Variants in FRMPD3 observed in about 807,000 individuals in gnomAD.
FRMPD3 encodes FERM and PDZ domain containing 3.
A neutral mutation model predicts 97.9 loss-of-function variants in FRMPD3; 42 were observed. The observed-to-expected ratio is 0.43, with a 90% CI of 0.34 to 0.55. The LOEUF is 0.55. Ranked by LOEUF, FRMPD3 falls within the 20% of genes least tolerant of loss-of-function variation. The pLI is 0.03. For synonymous variants in FRMPD3, 577 were observed against 581.1 expected (o/e 0.99, Z 0.10); for missense variants, 1,303 against 1,457.7 (o/e 0.89, Z 1.73).
Position 107,602,890 on chromosome X carries a change from C to T in FRMPD3, c.4851C>T (p.Pro1617=), listed in dbSNP as rs2147659844. 8.3e-7 allele frequency: 1 copy of T among 1,211,228 alleles called. No homozygotes were observed. Among genetic ancestry groups the T allele is most frequent in the Non-Finnish European group, 1.1e-6 (1 of 895,436 alleles). The change falls in exon 15 of 15, where the codon CCC becomes CCT. Residue 1617 remains proline (P), a synonymous_variant. Transcript: ENST00000683843. ...TGGCCAGCCCCGAGGCCCGTGCCCC[C>T]AAGCCCTATGTGTCTCAGATCTCCG... ...QCVASPEARA[P]KPYVSQISEY...
chrX:107,518,800 T>G (rs1288224690), intron 1 of FRMPD3, among the ~76,000 whole-genome samples: 2 of 112,387 alleles, frequency 1.8e-5, no homozygotes, highest in African/African-American at 6.5e-5. Flanking sequence ...ATAGCTACAT[T>G]GTTCACAACA....
At chrX:107,563,900 C>T (rs1922489549) in intron 11 of FRMPD3, among the ~76,000 whole-genome samples, 1 of 112,180 alleles carries the variant, frequency 8.9e-6, no homozygotes, top group African/African-American at 3.2e-5. Flanking sequence ...GCTGGTCCCA[C>T]CCTAAGACTG....
rs760120851 is a variant in FRMPD3 at position 107,545,845 on chromosome X, A to C, written c.402+4A>C. The C allele has an allele frequency of 1.2e-5, 14 of 1,185,605 alleles. No individual in the cohort carries two copies. The highest frequency in any genetic ancestry group is 1.6e-5 in the Non-Finnish European group (14 of 874,347). ...GGCAGTTGGAGAAACAGATGCAGTA[A>C]GTGTAGCTTTGGCTCCCTCTCCTCA... On this transcript the variant is annotated splice_donor_region_variant and intron_variant, in intron 5 of 14. Coordinates refer to ENST00000683843, the MANE Select transcript of FRMPD3 (RefSeq NM_001388459.1).
At chrX:107,491,939 T>G (rs1051866233) in intron 1 of FRMPD3, among the ~76,000 whole-genome samples, 13 of 109,791 alleles carry the variant, frequency 1.2e-4, no homozygotes, top group African/African-American at 4.0e-4. Flanking sequence ...AGAGTAATTG[T>G]TCTCTCCTCA....
intron 5 of FRMPD3, among the ~76,000 whole-genome samples, chrX:107,549,762 T>C (rs1431726097): frequency 1.8e-5 from 2 of 111,635 alleles, no homozygotes; most frequent in Admixed American, 9.5e-5. Flanking sequence ...AGCGGGTGTG[T>C]GGTGATCCCT....
intron 8 of FRMPD3, among the ~76,000 whole-genome samples, chrX:107,555,712 C>A (rs372197975): frequency 9.0e-6 from 1 of 111,567 alleles, no homozygotes; most frequent in East Asian, 2.8e-4. Flanking sequence ...TTTTTAAATT[C>A]CTCAAGTGAT....
chrX:107,549,437 C>T (rs1204020846), intron 5 of FRMPD3, among the ~76,000 whole-genome samples: 1 of 111,699 alleles, frequency 9.0e-6, no homozygotes, highest in Non-Finnish European at 1.9e-5. Flanking sequence ...AAGTGTTGTG[C>T]AGGGAGGGGG....
intron 7 of FRMPD3, among the ~76,000 whole-genome samples, chrX:107,553,525 G>A (rs1468191090): frequency 9.0e-6 from 1 of 110,877 alleles, no homozygotes; most frequent in African/African-American, 3.3e-5. Context: ...GCACCAAGAA[G>A]TGTCAGAGAT....
chrX:107,526,921 C>T (rs1163716196), intron 2 of FRMPD3, among the ~76,000 whole-genome samples, 185 bp downstream of exon 2: 1 of 111,650 alleles, frequency 9.0e-6, no homozygotes, highest in Non-Finnish European at 1.9e-5. Flanking sequence ...ATAGACACAA[C>T]AATTGAGGCT....
intron 1 of FRMPD3, among the ~76,000 whole-genome samples, chrX:107,521,570 A>C (rs1265551947): frequency 8.9e-6 from 1 of 112,811 alleles, no homozygotes; most frequent in East Asian, 2.8e-4. Context: ...CTCCTTACAA[A>C]AGGGCACACA....
intron 13 of FRMPD3, among the ~76,000 whole-genome samples, chrX:107,592,780 A>G (rs1268066026): frequency 1.9e-5 from 2 of 105,139 alleles, no homozygotes; most frequent in African/African-American, 7.4e-5. Context: ...TTTATTTTTA[A>G]ATTATGACCA....
chrX:107,483,138 A>G (rs1921417999), intron 1 of FRMPD3, among the ~76,000 whole-genome samples: 1 of 111,799 alleles, frequency 8.9e-6, no homozygotes, highest in Non-Finnish European at 1.9e-5. Context: ...GCTACCATAT[A>G]TAGTTGTGCA....
intron 1 of FRMPD3, among the ~76,000 whole-genome samples, chrX:107,457,733 C>G (rs1337337301): frequency 8.9e-6 from 1 of 111,909 alleles, no homozygotes; most frequent in Admixed American, 9.5e-5. Context: ...TATTTCGACA[C>G]CTCAGTAGGA....
chrX:107,583,182 C>T (rs1923477340), intron 13 of FRMPD3, among the ~76,000 whole-genome samples: 1 of 108,752 alleles, frequency 9.2e-6, no homozygotes, highest in Non-Finnish European at 1.9e-5. Flanking sequence ...CATGGGTATA[C>T]ATGTGCCATG....
intron 13 of FRMPD3, among the ~76,000 whole-genome samples, chrX:107,580,964 C>T (rs955877487): frequency 3.6e-5 from 4 of 111,623 alleles, no homozygotes; most frequent in African/African-American, 9.8e-5. Flanking sequence ...GGGATCATAA[C>T]TAAATGCCAG....
At chrX:107,498,514 C>G (rs752746959) in intron 1 of FRMPD3, among the ~76,000 whole-genome samples, 1 of 112,066 alleles carries the variant, frequency 8.9e-6, no homozygotes, top group South Asian at 3.8e-4. Context: ...ACTGAAGGAG[C>G]ACTGGAACCT....
At chrX:107,453,371 G>T (rs742639) in intron 1 of FRMPD3, among the ~76,000 whole-genome samples, 6,947 of 108,471 alleles carry the variant, frequency 0.064, 620 homozygotes, top group African/African-American at 0.22. Flanking sequence ...ATTGCTAGGG[G>T]GACTAGAATT....
At chrX:107,553,442 T>C (rs1411096327) in intron 7 of FRMPD3, among the ~76,000 whole-genome samples, 1 of 108,743 alleles carries the variant, frequency 9.2e-6, no homozygotes, top group African/African-American at 3.4e-5. Flanking sequence ...GTATCCGGTC[T>C]TCCTAGCCCT....
At chrX:107,493,269 T>G (rs1921704587) in intron 1 of FRMPD3, among the ~76,000 whole-genome samples, 1 of 110,826 alleles carries the variant, frequency 9.0e-6, no homozygotes, top group Non-Finnish European at 1.9e-5. Flanking sequence ...AGACTCATTT[T>G]ACAGAAGTTT....
Sources: allele counts gnomAD v4.1 joint callset (sites outside exome capture counted in the v4.1 genomes callset), GRCh38; gene constraint gnomAD v4.1.1; transcripts MANE v1.5; gene names NCBI Gene and HGNC (gene_info 2026-07-23, HGNC 2026-07-21).